The following PACSIN2 variants were observed in gnomAD, a reference collection of about 807,000 sequenced individuals.
PACSIN2 encodes the protein protein kinase C and casein kinase substrate in neurons 2, also known as protein kinase C and casein kinase substrate in neurons protein 2.
A neutral mutation model predicts 63.8 loss-of-function variants in PACSIN2; 25 were observed. The ratio of observed to expected loss-of-function variants is 0.39; its 90% CI spans 0.29 to 0.55. The LOEUF (loss-of-function observed/expected upper bound fraction) is 0.55, where lower values mean the gene tolerates loss of function less well. Among genes scored for constraint, PACSIN2 ranks in the 20% least tolerant of loss-of-function variants. The pLI, the probability that PACSIN2 is intolerant of heterozygous loss-of-function variation, is 0.62. For missense variants in PACSIN2, 518 were observed against 646.9 expected, an observed-to-expected ratio of 0.80 and a Z score of 2.16; for synonymous variants, 255 against 256.2, an observed-to-expected ratio of 1.00 and a Z score of 0.05.
intron 1 of PACSIN2, among the ~76,000 whole-genome samples, chr22:42,917,335 G>C (rs1931878159): frequency 6.6e-6 from 1 of 152,098 alleles, no homozygotes; most frequent in African/African-American, 2.4e-5. Flanking sequence ...GGTCAGACAC[G>C]GTGGCTCACA....
intron 1 of PACSIN2, among the ~76,000 whole-genome samples, chr22:42,964,664 T>C (rs1282206018): frequency 1.3e-5 from 2 of 151,754 alleles, no homozygotes; most frequent in African/African-American, 4.8e-5. Flanking sequence ...TGTACCTGGG[T>C]CCCTGAACTT....
At chr22:42,885,073 C>G (rs1929375726) in intron 5 of PACSIN2, among the ~76,000 whole-genome samples, 1 of 152,238 alleles carries the variant, frequency 6.6e-6, no homozygotes, top group South Asian at 2.1e-4. Flanking sequence ...TCTTGTCTTT[C>G]AGCCCACTCC....
chr22:42,877,016 G>A lies in PACSIN2; in HGVS notation c.1029-6C>T, dbSNP rs761279029. On this transcript the variant is annotated splice_polypyrimidine_tract_variant and splice_region_variant and intron_variant, in intron 8 of 10. Coordinates refer to ENST00000263246, the MANE Select transcript of PACSIN2 (RefSeq NM_001184970.3). ...TGCTCGGGACATTAAGGGTGCTATG[G>A]AGAGAGAGAGCTTTCAGGGGATCCC... 9.3e-6 allele frequency: 15 copies of A among 1,613,416 alleles called. No individual in the cohort carries two copies. In the Admixed American group the frequency reaches 1.2e-4, roughly 13 times the overall value.
chr22:43,002,246 T>A (rs571323967), intron 1 of PACSIN2: 2 of 151,744 alleles, frequency 1.3e-5, no homozygotes, highest in South Asian at 4.2e-4. Flanking sequence ...CCCTGCAGAG[T>A]CTTTCCAATA....
In PACSIN2 at chr22:42,958,364, A is replaced by G. The variant is rs147255751; in HGVS notation, c.-77-46207T>C. 3.1e-3 allele frequency among the ~76,000 whole-genome samples: 472 copies of G among 152,338 alleles called. 3 individuals carry two copies. Among genetic ancestry groups the G allele is most frequent in the African/African-American group, 0.011 (465 of 41,564 alleles). On this transcript the variant is annotated intron_variant, in intron 1 of 10. Transcript: ENST00000263246. ...TGCATTATGCCACCAAATGAATAACAGAATTGTGTGGGTGGGCAAACGGGT... is the reference window on the plus strand; with the variant it reads ...TGCATTATGCCACCAAATGAATAACGGAATTGTGTGGGTGGGCAAACGGGT...
intron 1 of PACSIN2, among the ~76,000 whole-genome samples, chr22:42,992,723 G>A (rs570046741): frequency 3.3e-5 from 5 of 152,290 alleles, no homozygotes; most frequent in Non-Finnish European, 1.5e-5. Flanking sequence ...CAGCCCAAAC[G>A]TCTGTCAATA....
chr22:42,950,569 C>T (rs551653861), intron 1 of PACSIN2, among the ~76,000 whole-genome samples: 28 of 152,288 alleles, frequency 1.8e-4, no homozygotes, highest in Admixed American at 9.8e-4. Flanking sequence ...GCCTGTGCAG[C>T]CACCATTGCT....
chr22:42,962,630 G>A (rs990458375), intron 1 of PACSIN2, among the ~76,000 whole-genome samples: 35 of 152,174 alleles, frequency 2.3e-4, no homozygotes, highest in Admixed American at 1.9e-3. Context: ...CAGGGCAAGG[G>A]AAGGCCAGCC....
chr22:42,903,072 C>T (rs760841087), intron 2 of PACSIN2, among the ~76,000 whole-genome samples: 8 of 152,244 alleles, frequency 5.3e-5, no homozygotes, highest in Non-Finnish European at 1.0e-4. Context: ...ATAAGCACAG[C>T]CAGCTGCAGG....
At chr22:43,013,268 T>C (rs1284198586) in intron 1 of PACSIN2, among the ~76,000 whole-genome samples, 2 of 152,220 alleles carry the variant, frequency 1.3e-5, no homozygotes, top group African/African-American at 4.8e-5. Context: ...CTTCTCTGTG[T>C]TATGTTACTT....
chr22:43,006,397 G>A (rs1259305033), intron 1 of PACSIN2, among the ~76,000 whole-genome samples: 1 of 152,146 alleles, frequency 6.6e-6, no homozygotes, highest in Non-Finnish European at 1.5e-5. Flanking sequence ...ACACCCAAGG[G>A]CTGTATGACT....
rs1241612961 is a variant in PACSIN2, at chr22:42,934,911, CCTTTTT to C, written c.-77-22760_-77-22755del. ...TTCTCTTTCTTTTCTTTTCTTTCTT[CCTTTTT>C]CTTTTTCTTTTTTTTTGAGACAGAG... is the stretch of plus-strand genomic sequence containing the variant. On this transcript the variant is annotated intron_variant, in intron 1 of 10. Transcript: ENST00000263246. Among the ~76,000 whole-genome samples the C allele has an allele frequency of 2.3e-3, 312 of 137,508 alleles. 2 individuals carry two copies. The highest frequency in any genetic ancestry group is 8.5e-3 in the African/African-American group (293 of 34,384). The allele number at this position is 137,508 out of a possible 152,430, so 90.2% of individuals were successfully genotyped here.
intron 2 of PACSIN2, among the ~76,000 whole-genome samples, chr22:42,897,372 T>G (rs1329537148): frequency 1.3e-5 from 2 of 152,258 alleles, no homozygotes; most frequent in Admixed American, 6.5e-5. Context: ...GTTAACTATT[T>G]CTGCTCTATC....
chr22:42,881,226 C>G (rs948656540), intron 7 of PACSIN2, among the ~76,000 whole-genome samples: 1 of 152,184 alleles, frequency 6.6e-6, no homozygotes, highest in Non-Finnish European at 1.5e-5. Flanking sequence ...TATGAGGCGC[C>G]CAGGAGGTTT....
At position 42,991,607 on chromosome 22, in the gene PACSIN2, T is replaced by G. The variant is rs149124827; in HGVS notation, c.-78+23414A>C. ...TCCCAGCCCTATCCAATGATAGAGC[T>G]CCTGCTGTCAGGAGCTGGGAACTCC... On this transcript the variant is annotated intron_variant, in intron 1 of 10. Transcript: ENST00000263246. Among the ~76,000 whole-genome samples the G allele has an allele frequency of 2.6e-5, 4 of 152,238 alleles. No individual in the cohort carries two copies. In the East Asian group the frequency reaches 7.7e-4, roughly 29 times the overall value.
At chr22:42,900,054 G>A (rs1930569275) in intron 2 of PACSIN2, among the ~76,000 whole-genome samples, 1 of 152,140 alleles carries the variant, frequency 6.6e-6, no homozygotes, top group African/African-American at 2.4e-5. Flanking sequence ...TCTCTGTGAA[G>A]TCTTGGCTCC....
At chr22:42,953,527 T>C (rs1245666755) in intron 1 of PACSIN2, among the ~76,000 whole-genome samples, 1 of 152,218 alleles carries the variant, frequency 6.6e-6, no homozygotes, top group Non-Finnish European at 1.5e-5. Flanking sequence ...TAACAAACCA[T>C]TAAATGGTTT....
chr22:42,989,199 T>C (rs1922834849), intron 1 of PACSIN2, among the ~76,000 whole-genome samples: 3 of 152,124 alleles, frequency 2.0e-5, no homozygotes, highest in South Asian at 2.1e-4. Flanking sequence ...CTTAATACAA[T>C]AGAAAACTCA....
At position 42,870,978 on chromosome 22, in the gene PACSIN2, G is replaced by T; in HGVS notation, c.*379C>A. ...TTCACTCAAAATGGGATGTAAGCTTGTTCATTTAAGTTGCAGGTGATGGAC... is the reference window on the plus strand; with the variant it reads ...TTCACTCAAAATGGGATGTAAGCTTTTTCATTTAAGTTGCAGGTGATGGAC... On this transcript the variant is annotated 3_prime_UTR_variant, in exon 11 of 11. Coordinates refer to ENST00000263246, the MANE Select transcript of PACSIN2 (RefSeq NM_001184970.3). 4.5e-6 allele frequency: 1 copy of T among 221,588 alleles called. No individual in the cohort carries two copies. The highest frequency in any genetic ancestry group is 9.1e-6 in the Non-Finnish European group (1 of 109,744). 13.7% of individuals were successfully genotyped at this position (221,588 alleles called of 1,614,324 possible). A position where few individuals can be genotyped will look rare whatever the true frequency, so the allele number is the denominator to read the frequency against.
Sources: gnomAD v4.1 joint callset for allele counts (sites outside exome capture counted in the v4.1 genomes callset) on GRCh38, gnomAD v4.1.1 for gene constraint, MANE v1.5 for transcripts, NCBI Gene and HGNC (gene_info 2026-07-23, HGNC 2026-07-21) for gene names.